Variants in ARFIP1 observed in about 807,000 individuals in gnomAD.
ARFIP1 encodes the protein arfaptin-1.
In ARFIP1, 24 loss-of-function variants were observed where a neutral mutation model predicts 42.5. The observed-to-expected ratio is 0.57, with a 90% CI of 0.41 to 0.80. ARFIP1 has a LOEUF of 0.80. Ranked by LOEUF, ARFIP1 falls within the 30% of genes least tolerant of loss-of-function variation. ARFIP1 has a pLI of 0.00. For synonymous variants in ARFIP1, 141 were observed against 153.7 expected, an observed-to-expected ratio of 0.92 and a Z score of 0.61; for missense variants, 354 against 434.0, an observed-to-expected ratio of 0.82 and a Z score of 1.64.
At chr4:152,902,424 C>G (rs1047157185) in intron 8 of ARFIP1, among the ~76,000 whole-genome samples, 1 of 152,216 alleles carries the variant, frequency 6.6e-6, no homozygotes, top group East Asian at 1.9e-4. Context: ...ATCACTTGAA[C>G]CAAGGGGATC....
At chr4:152,839,462 T>C (rs892950613) in intron 2 of ARFIP1, among the ~76,000 whole-genome samples, 1 of 152,184 alleles carries the variant, frequency 6.6e-6, no homozygotes, top group South Asian at 2.1e-4. Context: ...TCACTGCTTG[T>C]TATTGATCTG....
At chr4:152,856,923 G>A (rs1733490850) in intron 2 of ARFIP1, among the ~76,000 whole-genome samples, 1 of 152,170 alleles carries the variant, frequency 6.6e-6, no homozygotes, top group Non-Finnish European at 1.5e-5. Flanking sequence ...GTCTTTCAGA[G>A]AGGGAAGATT....
intron 1 of ARFIP1, among the ~76,000 whole-genome samples, chr4:152,782,393 G>A: frequency 6.6e-6 from 1 of 152,158 alleles, no homozygotes; most frequent in East Asian, 1.9e-4. Context: ...AGAAGGAAAT[G>A]AGGCTGCCCA....
Position 152,863,556 on chromosome 4 carries a change from CAT to C in ARFIP1, c.94-49_94-48del, listed in dbSNP as rs769898683. On this transcript the variant is annotated intron_variant, in intron 2 of 8. Transcript: ENST00000353617. Reference sequence around the variant, plus strand: ...ATACAATTATTCTGAACTGTTACGTCATGTGGGATTTTTTTACAAAGTTTTTT... The same window carrying C: ...ATACAATTATTCTGAACTGTTACGTCGTGGGATTTTTTTACAAAGTTTTTT... 10 of 1,035,504 alleles carry C rather than the reference CAT, an allele frequency of 9.7e-6. No homozygotes were observed. The African/African-American group carries it at 1.1e-4, about 12-fold the overall frequency. 64.1% of individuals were successfully genotyped at this position (1,035,504 alleles called of 1,614,324 possible). A position where few individuals can be genotyped will look rare whatever the true frequency, so the allele number is the denominator to read the frequency against.
intron 8 of ARFIP1, among the ~76,000 whole-genome samples, chr4:152,902,516 G>A (rs1410950847): frequency 1.3e-5 from 2 of 152,106 alleles, no homozygotes; most frequent in Non-Finnish European, 1.5e-5. Context: ...CTCGGGGTGG[G>A]CGGGGGGAGA....
At chr4:152,876,108 T>G (rs983648397) in intron 5 of ARFIP1, among the ~76,000 whole-genome samples, 2 of 152,076 alleles carry the variant, frequency 1.3e-5, no homozygotes, top group Admixed American at 6.5e-5. Context: ...AACCAACTAA[T>G]ACAGTAAATT....
At chr4:152,812,417 T>C (rs1018030948) in intron 1 of ARFIP1, among the ~76,000 whole-genome samples, 3 of 152,192 alleles carry the variant, frequency 2.0e-5, no homozygotes, top group Non-Finnish European at 2.9e-5. Context: ...GGTCTCAAAC[T>C]CCTGGGCTCA....
chr4:152,866,800 G>T (rs924055653), intron 3 of ARFIP1, among the ~76,000 whole-genome samples: 3 of 151,530 alleles, frequency 2.0e-5, no homozygotes, highest in Non-Finnish European at 4.4e-5. Flanking sequence ...GGGCAGAGAC[G>T]CTCCTCACCT....
chr4:152,804,194 T>TGTATTATATATTATATATAAC (rs1728719483), intron 1 of ARFIP1, among the ~76,000 whole-genome samples: 1 of 50,578 alleles, frequency 2.0e-5, no homozygotes, highest in Non-Finnish European at 4.4e-5. Context: ...TTATATATAA[T>TGTATTATATATTATATATAAC]ATAACATGTA....
intron 8 of ARFIP1, among the ~76,000 whole-genome samples, chr4:152,894,135 G>A (rs889910455): frequency 1.3e-5 from 2 of 151,034 alleles, no homozygotes; most frequent in African/African-American, 2.4e-5. Flanking sequence ...TTGAACCTGG[G>A]AGGCGGAGGT....
intron 3 of ARFIP1, among the ~76,000 whole-genome samples, chr4:152,866,746 G>A (rs1273983140): frequency 1.3e-5 from 2 of 151,138 alleles, no homozygotes; most frequent in African/African-American, 4.8e-5. Context: ...CAGAAGGGGC[G>A]GCTGCCGGGC....
At chr4:152,870,939 T>C in intron 4 of ARFIP1, 91 bp downstream of exon 4, 1 of 1,106,014 alleles carries the variant, frequency 9.0e-7, no homozygotes, top group South Asian at 1.6e-5. Context: ...CTTTATATTC[T>C]TAGGTGTGTG....
At chr4:152,834,969 A>G (rs190723383) in intron 2 of ARFIP1, among the ~76,000 whole-genome samples, 38 of 152,322 alleles carry the variant, frequency 2.5e-4, no homozygotes, top group African/African-American at 8.9e-4. Context: ...GCAGTGTCCC[A>G]AGGTTGCACA....
chr4:152,871,622 C>CACATTTTTACTGGGGGCTGATA (rs79099240), intron 4 of ARFIP1, among the ~76,000 whole-genome samples: 1 of 151,864 alleles, frequency 6.6e-6, no homozygotes, highest in Non-Finnish European at 1.5e-5. Context: ...GGGGGCTGAT[C>CACATTTTTACTGGGGGCTGATA]CTAATTTTTT....
At chr4:152,905,678 A>G (rs986254285) in intron 8 of ARFIP1, among the ~76,000 whole-genome samples, 1 of 145,882 alleles carries the variant, frequency 6.9e-6, no homozygotes, top group African/African-American at 2.6e-5. Flanking sequence ...TCAGCCTCCC[A>G]AGTAGCTGGG....
At chr4:152,794,703 G>GT (rs1214751531) in intron 1 of ARFIP1, among the ~76,000 whole-genome samples, 1 of 152,152 alleles carries the variant, frequency 6.6e-6, no homozygotes, top group African/African-American at 2.4e-5. Flanking sequence ...GATGTTGATT[G>GT]TTTCCCACTT....
At chr4:152,878,454 T>A (rs1399768716) in intron 5 of ARFIP1, among the ~76,000 whole-genome samples, 1 of 152,200 alleles carries the variant, frequency 6.6e-6, no homozygotes. Context: ...GGGAAATTGG[T>A]GGCAACTTTA....
intron 1 of ARFIP1, among the ~76,000 whole-genome samples, chr4:152,805,879 G>T (rs1395423311): frequency 6.6e-6 from 1 of 152,208 alleles, no homozygotes; most frequent in African/African-American, 2.4e-5. Context: ...TCAGATATTT[G>T]CTTGAATGTC....
intron 1 of ARFIP1, among the ~76,000 whole-genome samples, chr4:152,806,105 T>C (rs934644048): frequency 1.3e-5 from 2 of 152,250 alleles, no homozygotes; most frequent in Non-Finnish European, 2.9e-5. Flanking sequence ...GAATTTTTTT[T>C]CTTCGTGATT....
Sources: gnomAD v4.1 joint callset for allele counts (sites outside exome capture counted in the v4.1 genomes callset) on GRCh38, gnomAD v4.1.1 for gene constraint, MANE v1.5 for transcripts, NCBI Gene and HGNC (gene_info 2026-07-23, HGNC 2026-07-21) for gene names.